FRMD4B: variants seen among roughly 807,000 people sequenced by gnomAD.
The protein encoded by FRMD4B is FERM domain-containing protein 4B.
A neutral mutation model predicts 141.5 loss-of-function variants in FRMD4B; 74 were observed. That is an observed-to-expected ratio of 0.52 (90% CI 0.43 to 0.63). FRMD4B has a LOEUF of 0.63. FRMD4B is among the 30% of genes least tolerant of loss of function. FRMD4B has a pLI of 0.00. For synonymous variants in FRMD4B, 506 were observed against 467.9 expected (o/e 1.08, Z -1.05); for missense variants, 1,366 against 1,253.4 (o/e 1.09, Z -1.36).
At chr3:69,524,850 T>C (rs116598365) in intron 1 of FRMD4B, among the ~76,000 whole-genome samples, 179 of 152,350 alleles carry the variant, frequency 1.2e-3, no homozygotes, top group African/African-American at 4.0e-3. Flanking sequence ...GACAGCCACA[T>C]GCCCAGACAA....
chr3:69,343,078 C>T (rs553946548), intron 1 of FRMD4B, among the ~76,000 whole-genome samples: 5 of 150,672 alleles, frequency 3.3e-5, no homozygotes, highest in African/African-American at 9.7e-5. Flanking sequence ...TTCAACCTCC[C>T]AAGTGGCTGG....
At chr3:69,518,937 C>A (rs1314046973) in intron 1 of FRMD4B, among the ~76,000 whole-genome samples, 1 of 152,146 alleles carries the variant, frequency 6.6e-6, no homozygotes, top group Non-Finnish European at 1.5e-5. Flanking sequence ...TACAAACGTG[C>A]AGAAGCAACA....
intron 1 of FRMD4B, among the ~76,000 whole-genome samples, chr3:69,483,739 C>A (rs937687975): frequency 1.3e-5 from 2 of 152,172 alleles, no homozygotes; most frequent in African/African-American, 4.8e-5. Flanking sequence ...TGTTAACCAA[C>A]TGTGGACCCT....
At chr3:69,422,990 T>C (rs1705008509) in intron 2 of FRMD4B, among the ~76,000 whole-genome samples, 1 of 152,124 alleles carries the variant, frequency 6.6e-6, no homozygotes, top group African/African-American at 2.4e-5. Flanking sequence ...CCCATGTAAG[T>C]TGTATAGTTA....
intron 2 of FRMD4B, among the ~76,000 whole-genome samples, chr3:69,413,278 ACT>A (rs1251076177): frequency 1.3e-5 from 2 of 151,984 alleles, no homozygotes; most frequent in Non-Finnish European, 1.5e-5. Flanking sequence ...TCTCTCAATG[ACT>A]CTATAATGTA....
intron 7 of FRMD4B, among the ~76,000 whole-genome samples, chr3:69,233,446 G>A (rs960625929): frequency 6.0e-5 from 9 of 149,440 alleles, no homozygotes; most frequent in African/African-American, 2.2e-4. Flanking sequence ...ATCGCCTACT[G>A]CACTCCAGCC....
Position 69,312,222 on chromosome 3 carries a change from G to A in FRMD4B, c.229-865C>T, listed in dbSNP as rs372921520. On this transcript the variant is annotated intron_variant, in intron 2 of 22. Coordinates refer to ENST00000398540, the MANE Select transcript of FRMD4B (RefSeq NM_015123.3). The stretch of plus-strand genomic sequence containing the variant: ...TGATGCTGGATTTGGAGGGACTGGG[G>A]AAGAAAAGGGGAATCCTTGCAGGAG... Among the ~76,000 whole-genome samples, 3 of 152,292 alleles carry A rather than the reference G, an allele frequency of 2.0e-5. No individual in the cohort carries two copies. In the South Asian group the frequency reaches 6.2e-4, roughly 32 times the overall value.
Position 69,171,363 on chromosome 3 carries a change from C to T in FRMD4B, c.*498G>A, listed in dbSNP as rs2092584557. On this transcript the variant is annotated 3_prime_UTR_variant, in exon 23 of 23. Transcript: ENST00000398540. ...CCAATACTGTCTAAATTGTCCATGT[C>T]TGTGTAGAAAGAGCATGTTACTCTT... 1 of 153,382 alleles carries T rather than the reference C, an allele frequency of 6.5e-6. No homozygotes were observed. The highest frequency in any genetic ancestry group is 2.4e-5 in the African/African-American group (1 of 41,430). 9.5% of individuals were successfully genotyped at this position (153,382 alleles called of 1,614,324 possible).
At chr3:69,267,648 G>T (rs1242853037) in intron 5 of FRMD4B, among the ~76,000 whole-genome samples, 47 of 32,414 alleles carry the variant, frequency 1.4e-3, no homozygotes, top group Middle Eastern at 0.014. Context: ...GAGAGAGAGA[G>T]AGAGAGAGAG....
chr3:69,300,910 A>G (rs1294288558), intron 4 of FRMD4B, among the ~76,000 whole-genome samples: 6 of 151,846 alleles, frequency 4.0e-5, no homozygotes, highest in South Asian at 2.1e-4. Flanking sequence ...TAATTTTTGT[A>G]TTTTTAGTAG....
At chr3:69,321,354 T>A (rs1701988804) in intron 1 of FRMD4B, among the ~76,000 whole-genome samples, 1 of 152,242 alleles carries the variant, frequency 6.6e-6, no homozygotes, top group Admixed American at 6.5e-5. Context: ...CAAGCCTTTT[T>A]AAAAATTTTT....
At chr3:69,447,751 A>G (rs1260138312) in intron 1 of FRMD4B, among the ~76,000 whole-genome samples, 3 of 152,190 alleles carry the variant, frequency 2.0e-5, no homozygotes, top group Non-Finnish European at 4.4e-5. Context: ...CTCTGACATT[A>G]CGTATTACTT....
intron 1 of FRMD4B, among the ~76,000 whole-genome samples, chr3:69,518,690 T>A (rs1009561168): frequency 6.6e-6 from 1 of 152,144 alleles, no homozygotes; most frequent in African/African-American, 2.4e-5. Context: ...CAACCCAACA[T>A]GTTTGGAACA....
intron 1 of FRMD4B, among the ~76,000 whole-genome samples, chr3:69,499,061 C>T (rs1465058642): frequency 6.6e-6 from 1 of 152,132 alleles, no homozygotes; most frequent in African/African-American, 2.4e-5. Flanking sequence ...AACAAAGACA[C>T]TGAGCTGAGA....
intron 2 of FRMD4B, among the ~76,000 whole-genome samples, chr3:69,395,826 A>C (rs1487003789): frequency 2.0e-5 from 3 of 152,168 alleles, no homozygotes; most frequent in Admixed American, 2.0e-4. Context: ...TCAGACTAAG[A>C]GTTCAGGGAG....
intron 1 of FRMD4B, among the ~76,000 whole-genome samples, chr3:69,510,966 T>C (rs752260861): frequency 6.6e-6 from 1 of 152,218 alleles, no homozygotes; most frequent in Non-Finnish European, 1.5e-5. Context: ...TGCAGACCAA[T>C]AGAGCATTTT....
intron 1 of FRMD4B, among the ~76,000 whole-genome samples, chr3:69,455,647 T>G (rs1705590093): frequency 6.6e-6 from 1 of 152,188 alleles, no homozygotes; most frequent in South Asian, 2.1e-4. Context: ...CGTGGCTTCA[T>G]TCTTGAAGTC....
chr3:69,391,928 G>A (rs1704391527), intron 2 of FRMD4B, among the ~76,000 whole-genome samples: 2 of 152,194 alleles, frequency 1.3e-5, no homozygotes, highest in East Asian at 3.8e-4. Context: ...GCTGCTAGGT[G>A]GGGTAGTAGC....
chr3:69,173,495 C>T (rs545219603), intron 22 of FRMD4B, among the ~76,000 whole-genome samples: 5 of 152,196 alleles, frequency 3.3e-5, no homozygotes, highest in South Asian at 4.1e-4. Context: ...TCATTTTTAT[C>T]GTTAACACCT....
Sources: allele counts gnomAD v4.1 joint callset (sites outside exome capture counted in the v4.1 genomes callset), GRCh38; gene constraint gnomAD v4.1.1; transcripts MANE v1.5; gene names NCBI Gene and HGNC (gene_info 2026-07-23, HGNC 2026-07-21).